Variants in PLEKHG4B observed in about 807,000 individuals in gnomAD.
PLEKHG4B encodes the protein pleckstrin homology and RhoGEF domain containing G4B.
Under a neutral mutation model 121.3 loss-of-function variants are expected in PLEKHG4B, and 111 were observed. The observed-to-expected ratio is 0.92, with a 90% CI of 0.78 to 1.07. The LOEUF (loss-of-function observed/expected upper bound fraction) is 1.07, where lower values mean the gene tolerates loss of function less well. Among genes scored for constraint, PLEKHG4B ranks in the 50% least tolerant of loss-of-function variants. The pLI is 0.00. For missense variants in PLEKHG4B, 1,831 were observed against 1,757.8 expected (o/e 1.04, Z -0.74); for synonymous variants, 738 against 725.0 (o/e 1.02, Z -0.29).
chr5:156,715 A>C lies in PLEKHG4B; in HGVS notation c.2349-58A>C, dbSNP rs1735793390. On this transcript the variant is annotated intron_variant, in intron 10 of 19. Coordinates refer to ENST00000637938, the MANE Select transcript of PLEKHG4B (RefSeq NM_052909.5). The surrounding 1 kb of genome is among the most constrained non-coding windows in gnomAD (Gnocchi z 4.4). The stretch of plus-strand genomic sequence containing the variant: ...AGGGTTTTTATATGGGGTTGTCACC[A>C]AGAGCAGATTCCTCAAGGGGCCGCC... 2 of 1,511,082 alleles carry C rather than the reference A, an allele frequency of 1.3e-6. No individual in the cohort carries two copies. Among genetic ancestry groups the C allele is most frequent in the African/African-American group, 1.4e-5 (1 of 72,090 alleles). The allele number at this position is 1,511,082 out of a possible 1,614,324, so 93.6% of individuals were successfully genotyped here. A position where few individuals can be genotyped will look rare whatever the true frequency, so the allele number is the denominator to read the frequency against.
chr5:107,485 GGA>G, intron 1 of PLEKHG4B, among the ~76,000 whole-genome samples: 1 of 152,336 alleles, frequency 6.6e-6, no homozygotes, highest in South Asian at 2.1e-4. Context: ...GGTTCACCTG[GGA>G]GAGTCTTGGG....
In PLEKHG4B at chr5:181,851, G is replaced by T. The variant is rs113480801; in HGVS notation, c.4565-153G>T. On this transcript the variant is annotated intron_variant, in intron 19 of 19. Transcript: ENST00000637938. ...CCCGCCCTCACTCATCCTGCAGAGG[G>T]CACTGGGCCAGTGGCCGACATGGTG... is the stretch of plus-strand genomic sequence containing the variant. Among the ~76,000 whole-genome samples the T allele has an allele frequency of 1.7e-3, 252 of 152,376 alleles. 1 individual carries two copies. The highest frequency in any genetic ancestry group is 5.7e-3 in the African/African-American group (237 of 41,596).
intron 2 of PLEKHG4B, among the ~76,000 whole-genome samples, chr5:114,239 A>G (rs1193490447): frequency 2.6e-5 from 4 of 152,130 alleles, no homozygotes; most frequent in East Asian, 3.9e-4. Context: ...TGAGACCACA[A>G]TGAAGTTTTC....
At chr5:149,030 A>C (rs1363797887) in intron 6 of PLEKHG4B, among the ~76,000 whole-genome samples, 3 of 152,238 alleles carry the variant, frequency 2.0e-5, no homozygotes, top group Non-Finnish European at 4.4e-5. Context: ...CAAAAGAATG[A>C]ACTTAGATTC....
At chr5:105,147 C>T (rs35984149) in intron 1 of PLEKHG4B, among the ~76,000 whole-genome samples, 4,337 of 151,132 alleles carry the variant, frequency 0.029, 92 homozygotes, top group African/African-American at 0.044. Flanking sequence ...TTGGTGTTCC[C>T]GTCCTGAAGG....
chr5:169,208 A>T, intron 13 of PLEKHG4B, 132 bp from the exon 14 acceptor site: 1 of 1,257,146 alleles, frequency 8.0e-7, no homozygotes, highest in Non-Finnish European at 1.1e-6. Context: ...ACATGTGCCC[A>T]TGTGCCTCCA....
rs193275991 is a variant in PLEKHG4B at position 119,072 on chromosome 5, C to T, written c.243+5624C>T. The stretch of plus-strand genomic sequence containing the variant: ...ATGGGCTTTCAGTATGTTTCCCAGG[C>T]TGGTCTCAAACTCCTGGGCTTAAGT... On this transcript the variant is annotated intron_variant, in intron 2 of 19. Coordinates refer to ENST00000637938, the MANE Select transcript of PLEKHG4B (RefSeq NM_052909.5). Among the ~76,000 whole-genome samples, 295 of 151,900 alleles carry T rather than the reference C, an allele frequency of 1.9e-3. 3 individuals are homozygous for T. Among genetic ancestry groups the T allele is most frequent in the African/African-American group, 6.6e-3 (272 of 41,462 alleles).
At chr5:169,149 C>A in intron 13 of PLEKHG4B, 191 bp from the exon 14 acceptor site, 1 of 685,504 alleles carries the variant, frequency 1.5e-6, no homozygotes. Flanking sequence ...CCTGGGATTA[C>A]AGGCACGAGC....
intron 17 of PLEKHG4B, among the ~76,000 whole-genome samples, chr5:173,437 T>G (rs1056566545): frequency 6.6e-6 from 1 of 152,040 alleles, no homozygotes; most frequent in Admixed American, 6.5e-5. Flanking sequence ...AGGTTCCCAC[T>G]TGTGACTCGG....
chr5:153,672 G>T (rs940735167), intron 7 of PLEKHG4B, among the ~76,000 whole-genome samples: 42 of 152,048 alleles, frequency 2.8e-4, no homozygotes, highest in Admixed American at 7.2e-4. Flanking sequence ...TTTTCTTATT[G>T]TTTTTATATT....
chr5:98,603 TTG>T (rs35724214), intron 1 of PLEKHG4B, among the ~76,000 whole-genome samples: 9,888 of 111,444 alleles, frequency 0.089, 421 homozygotes, highest in Admixed American at 0.097. Context: ...CCTGGCTAAT[TTG>T]TGTGTGTGTG....
chr5:170,171 T>C (rs1305708694), intron 14 of PLEKHG4B, among the ~76,000 whole-genome samples: 1 of 152,260 alleles, frequency 6.6e-6, no homozygotes, highest in East Asian at 1.9e-4. Context: ...GGAAAGAAAC[T>C]GACAGGCTTT....
chr5:124,207 T>G (rs999856931), intron 2 of PLEKHG4B, among the ~76,000 whole-genome samples: 6 of 152,220 alleles, frequency 3.9e-5, no homozygotes, highest in African/African-American at 1.4e-4. Flanking sequence ...GAAGATAATT[T>G]GTATGATATC....
At chr5:134,556 A>C (rs1178388395) in intron 2 of PLEKHG4B, among the ~76,000 whole-genome samples, 1 of 151,768 alleles carries the variant, frequency 6.6e-6, no homozygotes. Flanking sequence ...ACTTGAGGTC[A>C]GGAGTTCAAG....
rs202113606 is a variant in PLEKHG4B at position 163,470 on chromosome 5, C to T, written c.3398C>T (p.Pro1133Leu). ...LPLWQHARSPPVTQSRSLSSP... is the reference protein window; with the variant it reads ...LPLWQHARSPLVTQSRSLSSP... ...CTGTGGCAGCATGCCAGGAGCCCCC[C>T]GGTCACTCAGAGCCGGAGTCTGTCC... The change falls in exon 13 of 20, where the codon CCG becomes CTG. Residue 1133 changes from proline (P) to leucine (L), a missense_variant. Transcript: ENST00000637938. The T allele has an allele frequency of 4.6e-5, 74 of 1,612,814 alleles. 1 individual carries two copies. The highest frequency in any genetic ancestry group is 3.5e-4 in the South Asian group (32 of 91,074).
rs555804202 is a variant in PLEKHG4B, at chr5:124,835, C to A, written c.243+11387C>A. On this transcript the variant is annotated intron_variant, in intron 2 of 19. Transcript: ENST00000637938. The stretch of plus-strand genomic sequence containing the variant: ...ATAGTTGGATCATGTGGGATTTTTT[C>A]AAAAATCCATTTTGCAGGCTGGGTG... 8.5e-5 allele frequency among the ~76,000 whole-genome samples: 13 copies of A among 152,144 alleles called. No homozygotes were observed. The South Asian group carries it at 1.0e-3, about 12-fold the overall frequency.
intron 3 of PLEKHG4B, among the ~76,000 whole-genome samples, chr5:142,720 ACACCACATGCAGTCACG>A (rs1209344774): frequency 5.3e-5 from 8 of 152,220 alleles, no homozygotes; most frequent in Admixed American, 2.6e-4. Flanking sequence ...GCGCAGTCAC[ACACCACATGCAGTCACG>A]CATGCTGCAC....
chr5:135,412 A>G (rs1195979149), intron 2 of PLEKHG4B, among the ~76,000 whole-genome samples: 4 of 150,856 alleles, frequency 2.7e-5, no homozygotes, highest in Non-Finnish European at 5.9e-5. Flanking sequence ...CACGCTTGCA[A>G]TGCCAGTACT....
intron 18 of PLEKHG4B, among the ~76,000 whole-genome samples, chr5:176,798 A>T (rs1281677228): frequency 6.6e-6 from 1 of 152,192 alleles, no homozygotes. Flanking sequence ...CAAATTATTT[A>T]GTTTCACAGC....
Sources: allele counts gnomAD v4.1 joint callset (sites outside exome capture counted in the v4.1 genomes callset), GRCh38; gene constraint gnomAD v4.1.1; non-coding constraint Gnocchi (gnomAD v3.1); transcripts MANE v1.5; gene names NCBI Gene and HGNC (gene_info 2026-07-23, HGNC 2026-07-21).